Variants in BRAF observed in about 807,000 individuals in gnomAD.
BRAF encodes the protein serine/threonine-protein kinase B-raf.
A neutral mutation model predicts 104.6 loss-of-function variants in BRAF; 16 were observed. That is an observed-to-expected ratio of 0.15 (90% CI 0.10 to 0.23). The LOEUF is 0.23. Ranked by LOEUF, BRAF falls within the 10% of genes least tolerant of loss-of-function variation. The probability of loss-of-function intolerance (pLI) is 1.00; values close to 1 mark genes in which losing one functional copy is unlikely to be tolerated. For synonymous variants in BRAF, 310 were observed against 341.6 expected (o/e 0.91, Z 1.02); for missense variants, 541 against 937.3 (o/e 0.58, Z 5.52).
chr7:140,797,535 C>T (rs1586197352), intron 7 of BRAF, among the ~76,000 whole-genome samples: 1 of 152,308 alleles, frequency 6.6e-6, no homozygotes, highest in East Asian at 1.9e-4. Flanking sequence ...GTCATAAAAA[C>T]ATCAGGAAAA....
intron 1 of BRAF, among the ~76,000 whole-genome samples, chr7:140,917,334 T>C (rs1366767537): frequency 6.6e-6 from 1 of 152,192 alleles, no homozygotes; most frequent in Non-Finnish European, 1.5e-5. Flanking sequence ...GTGCTGAAAT[T>C]ACAGGTGTGA....
chr7:140,783,348 C>A (rs1801063411), intron 10 of BRAF, 191 bp from the exon 10 acceptor site: 1 of 645,418 alleles, frequency 1.5e-6, no homozygotes, highest in Admixed American at 3.1e-5. Flanking sequence ...TTTTAGTTTT[C>A]TGGCCAATTT....
At chr7:140,746,709 G>C (rs1266959547) in intron 17 of BRAF, among the ~76,000 whole-genome samples, 1 of 151,810 alleles carries the variant, frequency 6.6e-6, no homozygotes, top group African/African-American at 2.4e-5. Context: ...CTGCGTGCCT[G>C]TAATCCCAGC....
In BRAF at chr7:140,792,047, G is replaced by C. The variant is rs76654167; in HGVS notation, c.1140+2261C>G. 7.6e-3 allele frequency among the ~76,000 whole-genome samples: 1,162 copies of C among 152,256 alleles called. 18 individuals are homozygous for C. The highest frequency in any genetic ancestry group is 0.026 in the African/African-American group (1,098 of 41,554). ...GATGAAATAAGAAAGTCTACGTAAAGCACTTAGCATAGTACCTGTATGTAA... is the reference window on the plus strand; with the variant it reads ...GATGAAATAAGAAAGTCTACGTAAACCACTTAGCATAGTACCTGTATGTAA... On this transcript the variant is annotated intron_variant, in intron 8 of 19. Transcript: ENST00000644969.
intron 2 of BRAF, among the ~76,000 whole-genome samples, chr7:140,845,738 G>C (rs1413776591): frequency 6.6e-6 from 1 of 152,070 alleles, no homozygotes; most frequent in East Asian, 1.9e-4. Flanking sequence ...GAGTGCAGTG[G>C]CATGATCTCG....
chr7:140,714,159 T>C, the BRAF span, among the ~76,000 whole-genome samples: 18 of 152,152 alleles, frequency 1.2e-4, no homozygotes, highest in African/African-American at 4.3e-4. Context: ...AAATCACCCA[T>C]CTTCTGCATC....
At chr7:140,777,730 G>C (rs117676313) in intron 13 of BRAF, among the ~76,000 whole-genome samples, 538 of 152,122 alleles carry the variant, frequency 3.5e-3, no homozygotes, top group Non-Finnish European at 4.5e-3. Context: ...TTCATAAGTA[G>C]AACTATTACT....
intron 3 of BRAF, among the ~76,000 whole-genome samples, chr7:140,811,163 G>A (rs1319977864): frequency 2.0e-5 from 3 of 152,268 alleles, no homozygotes; most frequent in African/African-American, 7.2e-5. Context: ...GTTACGTATC[G>A]ACTGACTGAT....
At chr7:140,840,627 C>T (rs988376942) in intron 2 of BRAF, among the ~76,000 whole-genome samples, 1 of 151,550 alleles carries the variant, frequency 6.6e-6, no homozygotes, top group Non-Finnish European at 1.5e-5. Flanking sequence ...CCCATCTCTA[C>T]AAAAAATACA....
chr7:140,765,702 C>G (rs1410230152), intron 14 of BRAF, among the ~76,000 whole-genome samples: 2 of 152,122 alleles, frequency 1.3e-5, no homozygotes, highest in Non-Finnish European at 2.9e-5. Flanking sequence ...TGAAAAAATG[C>G]TCATCATCAC....
intron 1 of BRAF, among the ~76,000 whole-genome samples, chr7:140,853,667 A>G (rs2129076442): frequency 6.6e-6 from 1 of 152,254 alleles, no homozygotes; most frequent in East Asian, 1.9e-4. Context: ...TCTTTATCCC[A>G]ATGTCACCTT....
intron 18 of BRAF, among the ~76,000 whole-genome samples, chr7:140,736,132 G>A (rs1415230232): frequency 2.0e-5 from 3 of 146,572 alleles, no homozygotes; most frequent in Admixed American, 6.8e-5. Flanking sequence ...GTGCAGTGGC[G>A]CGATCTCAGC....
intron 1 of BRAF, among the ~76,000 whole-genome samples, chr7:140,897,420 T>A (rs139052970): frequency 1.3e-5 from 2 of 152,090 alleles, no homozygotes; most frequent in South Asian, 2.1e-4. Context: ...ACAAAATTTT[T>A]AAAATTTTCA....
At chr7:140,877,875 G>A (rs1270126731) in intron 1 of BRAF, among the ~76,000 whole-genome samples, 1 of 151,842 alleles carries the variant, frequency 6.6e-6, no homozygotes, top group African/African-American at 2.4e-5. Context: ...TAACTATTAA[G>A]GAAATTAAAC....
chr7:140,818,300 A>G (rs1224440958), intron 3 of BRAF, among the ~76,000 whole-genome samples: 2 of 151,728 alleles, frequency 1.3e-5, no homozygotes, highest in Non-Finnish European at 2.9e-5. Flanking sequence ...ATATTTTTCC[A>G]TACAAGTATT....
chr7:140,892,755 C>T lies in BRAF; in HGVS notation c.138+31811G>A, dbSNP rs182845721. On this transcript the variant is annotated intron_variant, in intron 1 of 19. Transcript: ENST00000644969. Reference sequence around the variant, plus strand: ...TTTAGATTTTGTTTTTAAAGTGAAACACAGACCTCCCTGTCTTTACTTCCC... The same window carrying T: ...TTTAGATTTTGTTTTTAAAGTGAAATACAGACCTCCCTGTCTTTACTTCCC... Among the ~76,000 whole-genome samples, 55 of 152,190 alleles carry T rather than the reference C, an allele frequency of 3.6e-4. 1 individual carries two copies. The highest frequency in any genetic ancestry group is 1.2e-3 in the African/African-American group (50 of 41,532).
intron 1 of BRAF, among the ~76,000 whole-genome samples, chr7:140,861,430 T>C (rs1810404017): frequency 6.6e-6 from 1 of 152,186 alleles, no homozygotes; most frequent in African/African-American, 2.4e-5. Flanking sequence ...ACTGGGTGTA[T>C]AGGTTTTCCA....
In BRAF at chr7:140,723,105, C is replaced by T. The variant is rs996254879; in HGVS notation, c.*3389G>A. The T allele has an allele frequency of 9.4e-5, 99 of 1,051,264 alleles. No individual in the cohort carries two copies. Among genetic ancestry groups the T allele is most frequent in the Admixed American group, 2.2e-4 (4 of 18,218 alleles). The allele number at this position is 1,051,264 out of a possible 1,614,324, so 65.1% of individuals were successfully genotyped here. A position where few individuals can be genotyped will look rare whatever the true frequency, so the allele number is the denominator to read the frequency against. Reference sequence around the variant, plus strand: ...TAGTTTTTTGTAGAGGTCACCTGAACCCTGCAATGTGGTTTCGAACTAAAG... The same window carrying T: ...TAGTTTTTTGTAGAGGTCACCTGAATCCTGCAATGTGGTTTCGAACTAAAG... On this transcript the variant is annotated 3_prime_UTR_variant, in exon 20 of 20. Coordinates refer to ENST00000644969, the MANE Select transcript of BRAF (RefSeq NM_001374258.1).
At chr7:140,716,614 C>A (rs1332740731), downstream of BRAF, among the ~76,000 whole-genome samples, 1 of 152,202 alleles carries the variant, frequency 6.6e-6, no homozygotes, top group African/African-American at 2.4e-5. Context: ...TTCCTCTCTT[C>A]CTGATGAGCA....
Sources: allele counts gnomAD v4.1 joint callset (sites outside exome capture counted in the v4.1 genomes callset), GRCh38; gene constraint gnomAD v4.1.1; transcripts MANE v1.5; gene names NCBI Gene and HGNC (gene_info 2026-07-23, HGNC 2026-07-21).